The following RIN2 variants were observed in gnomAD, a reference collection of about 807,000 sequenced individuals.
RIN2 encodes the protein RAB5 interacting protein 2.
A neutral mutation model predicts 78.0 loss-of-function variants in RIN2; 36 were observed. The ratio of observed to expected loss-of-function variants is 0.46; its 90% CI spans 0.35 to 0.61. The LOEUF (loss-of-function observed/expected upper bound fraction) is 0.61, where lower values mean the gene tolerates loss of function less well. RIN2 is among the 20% of genes least tolerant of loss of function. The pLI is 0.00. For missense variants in RIN2, 1,087 were observed against 1,159.7 expected (o/e 0.94, Z 0.91); for synonymous variants, 466 against 466.8 (o/e 1.00, Z 0.02).
At chr20:19,803,708 A>G (rs1462252891) in intron 2 of RIN2, among the ~76,000 whole-genome samples, 2 of 152,222 alleles carry the variant, frequency 1.3e-5, no homozygotes, top group Non-Finnish European at 2.9e-5. Context: ...TGAATTTTAA[A>G]GTAGTTATTT....
chr20:19,862,317 C>T (rs376804992), intron 2 of RIN2, among the ~76,000 whole-genome samples: 5 of 152,140 alleles, frequency 3.3e-5, no homozygotes, highest in African/African-American at 1.2e-4. Flanking sequence ...CTTGGCCGGG[C>T]GTGTTGGCTC....
chr20:19,761,073 G>T (rs986807773), intron 1 of RIN2, among the ~76,000 whole-genome samples: 4 of 152,212 alleles, frequency 2.6e-5, no homozygotes, highest in Non-Finnish European at 4.4e-5. Context: ...ACAGCAAGAA[G>T]TATACCCTCA....
intron 4 of RIN2, among the ~76,000 whole-genome samples, chr20:19,954,081 G>A (rs2041435611): frequency 6.6e-6 from 1 of 152,142 alleles, no homozygotes. Flanking sequence ...GGGGTCTCTG[G>A]CCAGTCCACA....
intron 3 of RIN2, among the ~76,000 whole-genome samples, chr20:19,899,682 A>C (rs766208849): frequency 5.3e-5 from 8 of 152,186 alleles, no homozygotes; most frequent in Non-Finnish European, 1.2e-4. Flanking sequence ...TCCATTGTCA[A>C]ATGGTTCTCT....
intron 3 of RIN2, among the ~76,000 whole-genome samples, chr20:19,916,155 G>A (rs189574207): frequency 7.6e-4 from 116 of 152,298 alleles, no homozygotes; most frequent in South Asian, 2.1e-3. Flanking sequence ...CAGGAGAATC[G>A]CTTGAACCTG....
At chr20:19,760,995 CAAG>C (rs1330859918) in intron 1 of RIN2, among the ~76,000 whole-genome samples, 1 of 152,170 alleles carries the variant, frequency 6.6e-6, no homozygotes, top group African/African-American at 2.4e-5. Flanking sequence ...ACCTACCACT[CAAG>C]GAGGGGGTGT....
chr20:19,923,948 A>G (rs572384899), intron 3 of RIN2, among the ~76,000 whole-genome samples: 3 of 151,864 alleles, frequency 2.0e-5, no homozygotes, highest in Non-Finnish European at 2.9e-5. Context: ...GCAATGAAAA[A>G]TGAAGGGCAG....
intron 3 of RIN2, among the ~76,000 whole-genome samples, chr20:19,920,873 A>G (rs2123794947): frequency 6.6e-6 from 1 of 152,308 alleles, no homozygotes; most frequent in Admixed American, 6.5e-5. Flanking sequence ...GGGTTTCACC[A>G]TGTTGGCCAG....
intron 4 of RIN2, among the ~76,000 whole-genome samples, chr20:19,956,272 A>G (rs941417029): frequency 1.3e-5 from 2 of 151,626 alleles, no homozygotes; most frequent in Non-Finnish European, 2.9e-5. Context: ...AAAAAAAAAA[A>G]AAAAAGAAAA....
At chr20:19,935,840 T>G (rs1333703791) in intron 4 of RIN2, among the ~76,000 whole-genome samples, 1 of 152,116 alleles carries the variant, frequency 6.6e-6, no homozygotes, top group Non-Finnish European at 1.5e-5. Context: ...TGAAGGTGAC[T>G]TCTTCCAACT....
chr20:19,866,144 G>C (rs2037499148), intron 2 of RIN2, among the ~76,000 whole-genome samples: 1 of 151,858 alleles, frequency 6.6e-6, no homozygotes. Context: ...CAGATCATCA[G>C]GCATTAGATT....
intron 2 of RIN2, among the ~76,000 whole-genome samples, chr20:19,808,908 C>T (rs1020752748): frequency 9.9e-5 from 15 of 152,166 alleles, no homozygotes; most frequent in Non-Finnish European, 1.6e-4. Context: ...AGGGCAGAGC[C>T]GGCCTAAAGG....
At chr20:19,972,550 G>A (rs1444867032) in intron 8 of RIN2, among the ~76,000 whole-genome samples, 3 of 152,192 alleles carry the variant, frequency 2.0e-5, no homozygotes, top group Non-Finnish European at 4.4e-5. Flanking sequence ...AAAATTCTGT[G>A]CCTCAGTAAA....
At chr20:19,846,550 A>G (rs1405403170) in intron 2 of RIN2, among the ~76,000 whole-genome samples, 1 of 152,154 alleles carries the variant, frequency 6.6e-6, no homozygotes, top group Non-Finnish European at 1.5e-5. Flanking sequence ...AATGTGTGTG[A>G]TTTTTGCACA....
chr20:19,984,725 C>T (rs1213397116), intron 9 of RIN2, among the ~76,000 whole-genome samples: 2 of 152,090 alleles, frequency 1.3e-5, no homozygotes, highest in South Asian at 4.1e-4. Context: ...CAAAATTGTG[C>T]CACTGCACTC....
At position 19,975,640 on chromosome 20, in the gene RIN2, T is replaced by G. The variant is rs760799723; in HGVS notation, c.1615T>G (p.Phe539Val). Reference protein sequence around the residue: ...FGCLVQDYVSFLQENKECHVS... With the variant: ...FGCLVQDYVSVLQENKECHVS... ...GTGCTTAGTGCAGGACTACGTGAGC[T>G]TCCTGCAGGAGAACAAGGAGTGCCA... is the stretch of plus-strand genomic sequence containing the variant. Residue 539 changes from phenylalanine (F) to valine (V), a missense_variant, in exon 9 of 13, where the codon TTC (phenylalanine) becomes GTC (valine). Physicochemically the swap from Phe to Val is conservative, Grantham distance 50. Transcript: ENST00000255006. This position sits in a 1 kb window ranked among gnomAD's most constrained non-coding sequence, Gnocchi z 4.9. 2.5e-6 allele frequency: 4 copies of G among 1,613,792 alleles called. No individual in the cohort carries two copies. Among genetic ancestry groups the G allele is most frequent in the Non-Finnish European group, 3.4e-6 (4 of 1,179,888 alleles).
At chr20:19,855,967 G>C (rs543597456) in intron 2 of RIN2, among the ~76,000 whole-genome samples, 1 of 152,084 alleles carries the variant, frequency 6.6e-6, no homozygotes, top group Non-Finnish European at 1.5e-5. Context: ...CCAGCTACTC[G>C]GGAGGCTGAG....
rs748168556 is a variant in RIN2, at chr20:19,975,195, G to C, written c.1170G>C (p.Leu390=). 1.2e-6 allele frequency: 2 copies of C among 1,603,302 alleles called. No individual in the cohort carries two copies. Among genetic ancestry groups the C allele is most frequent in the South Asian group, 2.2e-5 (2 of 90,256 alleles). ...CGGGCGCAGGCCCGGAGCTGGAGCTGGGCACAGCTGGCAGCCCAGGTGGGG... is the reference window on the plus strand; with the variant it reads ...CGGGCGCAGGCCCGGAGCTGGAGCTCGGCACAGCTGGCAGCCCAGGTGGGG... ...GRPGAGPELE[L]GTAGSPGGAP... is the part of the protein sequence containing the mutation. The change falls in exon 9 of 13, where the codon CTG becomes CTC. Residue 390 remains leucine, a synonymous_variant. Transcript: ENST00000255006. This position sits in a 1 kb window ranked among gnomAD's most constrained non-coding sequence, Gnocchi z 4.9.
intron 6 of RIN2, among the ~76,000 whole-genome samples, chr20:19,962,429 C>G (rs1031164119): frequency 6.6e-6 from 1 of 152,186 alleles, no homozygotes; most frequent in Non-Finnish European, 1.5e-5. Context: ...ACTTCCTCTC[C>G]TCTTCCAGAA....
Sources: allele counts gnomAD v4.1 joint callset (sites outside exome capture counted in the v4.1 genomes callset), GRCh38; gene constraint gnomAD v4.1.1; non-coding constraint Gnocchi (gnomAD v3.1); transcripts MANE v1.5; gene names NCBI Gene and HGNC (gene_info 2026-07-23, HGNC 2026-07-21).